The following CFAP43 variants were observed in gnomAD, a reference collection of about 807,000 sequenced individuals.
CFAP43 encodes cilia- and flagella-associated protein 43.
In CFAP43, 155 loss-of-function variants were observed where a neutral mutation model predicts 218.9. The observed-to-expected ratio is 0.71, with a 90% confidence interval of 0.62 to 0.81. The LOEUF is 0.81. Among genes scored for constraint, CFAP43 ranks in the 30% least tolerant of loss-of-function variants. The probability of loss-of-function intolerance (pLI) is 0.00; values close to 1 mark genes in which losing one functional copy is unlikely to be tolerated. For missense variants in CFAP43, 1,778 were observed against 1,954.3 expected (o/e 0.91, Z 1.70); for synonymous variants, 645 against 681.3 (o/e 0.95, Z 0.83).
intron 3 of CFAP43, among the ~76,000 whole-genome samples, chr10:104,220,692 C>A (rs2091152245): frequency 6.6e-6 from 1 of 152,166 alleles, no homozygotes; most frequent in Non-Finnish European, 1.5e-5. Flanking sequence ...TTGTACCTTG[C>A]TTTGCCCCAT....
chr10:104,230,446 C>G (rs981190668), intron 2 of CFAP43, 144 bp downstream of exon 2: 11 of 1,080,948 alleles, frequency 1.0e-5, no homozygotes, highest in Admixed American at 5.7e-5. Context: ...GCCTAGGCAA[C>G]AGGGCAAAAC....
intron 23 of CFAP43, among the ~76,000 whole-genome samples, chr10:104,165,595 C>T (rs972371936): frequency 2.0e-5 from 3 of 152,184 alleles, no homozygotes; most frequent in Non-Finnish European, 4.4e-5. Context: ...CATTCAATTT[C>T]AAACTATCTT....
intron 34 of CFAP43, among the ~76,000 whole-genome samples, chr10:104,134,013 A>G (rs2087322757): frequency 6.6e-6 from 1 of 152,160 alleles, no homozygotes; most frequent in African/African-American, 2.4e-5. Context: ...AGCAGAGCCA[A>G]TTTACTTTAT....
chr10:104,168,834 T>A lies in CFAP43; in HGVS notation c.2601A>T (p.Val867=). ...AGCTCTTGGCTAAGTTATGCATCTC[T>A]ACATCCTTTATCATCTTGAAGAACA... The part of the protein sequence containing the change: ...QEEVAKMIKD[V]EMHNLAKSYL... Residue 867 remains valine (V), a synonymous_variant, in exon 21 of 38, where the codon GTA becomes GTT. Coordinates refer to ENST00000357060, the MANE Select transcript of CFAP43 (RefSeq NM_025145.7). The A allele has an allele frequency of 6.2e-7, 1 of 1,612,036 alleles. No individual in the cohort carries two copies. The highest frequency in any genetic ancestry group is 8.5e-7 in the Non-Finnish European group (1 of 1,178,452).
Position 104,133,751 on chromosome 10 carries a change from C to T in CFAP43, c.4465G>A (p.Glu1489Lys). ...QGQKKVASMMESKDVHKRILQ... is the reference protein window; with the variant it reads ...QGQKKVASMMKSKDVHKRILQ... ...ATTCTTTTGTGTACATCTTTACTTTCCATCATGCTAGCAACTTTCTTTTGT... is the reference window on the plus strand; with the variant it reads ...ATTCTTTTGTGTACATCTTTACTTTTCATCATGCTAGCAACTTTCTTTTGT... The change falls in exon 35 of 38, where the codon GAA becomes AAA. Residue 1489 changes from glutamate (E) to lysine (K), a missense_variant. By Grantham distance (56) the Glu-to-Lys change is moderately conservative (BLOSUM62 1). Around this residue, in one of 3 missense-constraint regions of CFAP43, gnomAD observed 211 missense variants for 230.6 expected, o/e 0.91. Transcript: ENST00000357060. The T allele has an allele frequency of 6.2e-7, 1 of 1,611,462 alleles. No individual in the cohort carries two copies. Among genetic ancestry groups the T allele is most frequent in the Non-Finnish European group, 8.5e-7 (1 of 1,179,198 alleles).
At chr10:104,217,584 C>T (rs549796437) in intron 3 of CFAP43, among the ~76,000 whole-genome samples, 2 of 152,296 alleles carry the variant, frequency 1.3e-5, no homozygotes, top group South Asian at 4.1e-4. Context: ...GAGGGCTGGA[C>T]CTTCCGTTGC....
chr10:104,157,208 T>C (rs1352220985), intron 27 of CFAP43, among the ~76,000 whole-genome samples: 1 of 151,940 alleles, frequency 6.6e-6, no homozygotes, highest in Non-Finnish European at 1.5e-5. Flanking sequence ...CACAGGGGAG[T>C]CTTTCCCTGG....
intron 4 of CFAP43, among the ~76,000 whole-genome samples, chr10:104,213,544 A>T (rs1564805726): frequency 6.8e-6 from 1 of 146,556 alleles, no homozygotes; most frequent in Non-Finnish European, 1.5e-5. Flanking sequence ...TAATCTGCAT[A>T]TTTTTTTTTT....
In CFAP43 at chr10:104,133,680, T is replaced by C; in HGVS notation, c.4536A>G (p.Glu1512=). Residue 1512 remains glutamate, a synonymous_variant, in exon 35 of 38, where the codon GAA becomes GAG. Transcript: ENST00000357060. ...WEHKKMEMER[E]DLNQKAWDIQ... ...TATCCCAAGCCTTCTGATTTAGATC[T>C]TCCCTTTCCATCTCCATTTTCTTAT... 2 of 1,613,844 alleles carry C rather than the reference T, an allele frequency of 1.2e-6. No homozygotes were observed. The highest frequency in any genetic ancestry group is 1.7e-6 in the Non-Finnish European group (2 of 1,179,886).
At position 104,226,909 on chromosome 10, in the gene CFAP43, T is replaced by C. The variant is rs192968686; in HGVS notation, c.320-1352A>G. Among the ~76,000 whole-genome samples, 4 of 152,114 alleles carry C rather than the reference T, an allele frequency of 2.6e-5. No individual in the cohort carries two copies. The East Asian group carries it at 7.7e-4, about 29-fold the overall frequency. ...GGCAAGCACCTGTAATCCCAGCTAC[T>C]TGGGAGGCTGAGGCAGGCGAATCGC... is the stretch of plus-strand genomic sequence containing the variant. On this transcript the variant is annotated intron_variant, in intron 2 of 37. Coordinates refer to ENST00000357060, the MANE Select transcript of CFAP43 (RefSeq NM_025145.7).
At chr10:104,135,480 T>A (rs1589610445) in intron 34 of CFAP43, among the ~76,000 whole-genome samples, 1 of 152,134 alleles carries the variant, frequency 6.6e-6, no homozygotes, top group South Asian at 2.1e-4. Flanking sequence ...ATAGAGAAAG[T>A]CATATAGAAT....
chr10:104,167,809 G>T, intron 21 of CFAP43, 72 bp from the exon 22 acceptor site: 2 of 1,113,896 alleles, frequency 1.8e-6, no homozygotes, highest in Non-Finnish European at 1.3e-6. Flanking sequence ...GTTGAGTAGG[G>T]GATGTTTTCT....
chr10:104,130,769 G>A (rs564732839), intron 37 of CFAP43, among the ~76,000 whole-genome samples: 1 of 152,160 alleles, frequency 6.6e-6, no homozygotes, highest in Non-Finnish European at 1.5e-5. Flanking sequence ...TAGCTGAGGT[G>A]GGCGGATCTC....
Position 104,158,172 on chromosome 10 carries a change from G to A in CFAP43, c.3540+2865C>T, listed in dbSNP as rs367731879. Among the ~76,000 whole-genome samples, 7 of 152,274 alleles carry A rather than the reference G, an allele frequency of 4.6e-5. No individual in the cohort carries two copies. In the East Asian group the frequency reaches 1.2e-3, roughly 25 times the overall value. ...AAATGATAAAAGCTAGAAAGGCACC[G>A]TTTTGCAATCACTACAGTAATAATT... On this transcript the variant is annotated intron_variant, in intron 27 of 37. Transcript: ENST00000357060.
At chr10:104,156,947 C>T (rs2088580396) in intron 27 of CFAP43, among the ~76,000 whole-genome samples, 1 of 152,120 alleles carries the variant, frequency 6.6e-6, no homozygotes, top group Non-Finnish European at 1.5e-5. Context: ...ATAAGGGGCA[C>T]ATGATCCATT....
chr10:104,169,134 G>A (rs74991437), intron 20 of CFAP43, among the ~76,000 whole-genome samples: 2 of 152,166 alleles, frequency 1.3e-5, no homozygotes, highest in Non-Finnish European at 2.9e-5. Context: ...CGAGTGAAGT[G>A]GGGTGTGAGG....
At position 104,230,757 on chromosome 10, in the gene CFAP43, AT is replaced by A. The variant is rs1268979667; in HGVS notation, c.151del (p.Ile51LeufsTer37). On this transcript the variant is annotated frameshift_variant, in exon 2 of 38. Transcript: ENST00000357060. LOFTEE classifies it high-confidence loss of function. ...CYPCGNYVIF[I>X]NIETKKKTVL... The stretch of plus-strand genomic sequence containing the variant: ...AGTCTTTTTCTTGGTTTCAATATTA[AT>A]AAATATTACATAATTCCCACAAGGG... 1 of 1,613,922 alleles carries A rather than the reference AT, an allele frequency of 6.2e-7. No individual in the cohort carries two copies. The highest frequency in any genetic ancestry group is 8.5e-7 in the Non-Finnish European group (1 of 1,179,960).
intron 8 of CFAP43, among the ~76,000 whole-genome samples, chr10:104,199,085 C>T (rs1366749401): frequency 1.3e-5 from 2 of 151,982 alleles, no homozygotes; most frequent in Non-Finnish European, 2.9e-5. Flanking sequence ...TAAATCCTAC[C>T]ACATGCTAAA....
At chr10:104,227,501 A>G (rs138016372) in intron 2 of CFAP43, among the ~76,000 whole-genome samples, 1 of 152,230 alleles carries the variant, frequency 6.6e-6, no homozygotes, top group Non-Finnish European at 1.5e-5. Flanking sequence ...GGTTTAAATC[A>G]CACTTTTTAA....
Sources: allele counts gnomAD v4.1 joint callset (sites outside exome capture counted in the v4.1 genomes callset), GRCh38; gene constraint gnomAD v4.1.1; regional missense constraint gnomAD v4.1.1; transcripts MANE v1.5; gene names NCBI Gene and HGNC (gene_info 2026-07-23, HGNC 2026-07-21).